Variants in SRGAP3 observed in about 807,000 individuals in gnomAD.
SRGAP3 encodes the protein SLIT-ROBO Rho GTPase activating protein 3, also known as SLIT-ROBO Rho GTPase-activating protein 3.
A neutral mutation model predicts 121.1 loss-of-function variants in SRGAP3; 39 were observed. That is an observed-to-expected ratio of 0.32 (90% CI 0.25 to 0.42). The LOEUF (loss-of-function observed/expected upper bound fraction) is 0.42. SRGAP3 is among the 10% of genes least tolerant of loss of function. The probability of loss-of-function intolerance (pLI) is 1.00; values close to 1 mark genes in which losing one functional copy is unlikely to be tolerated. For missense variants in SRGAP3, 1,213 were observed against 1,470.6 expected (o/e 0.82, Z 2.86); for synonymous variants, 601 against 570.0 (o/e 1.05, Z -0.77).
At chr3:9,060,127 C>G (rs530751593) in intron 6 of SRGAP3, 104 bp downstream of exon 6, 2 of 1,568,810 alleles carry the variant, frequency 1.3e-6, no homozygotes, top group African/African-American at 1.4e-5. Context: ...TGTGGCTACC[C>G]GAGAATGTCA....
At position 9,218,787 on chromosome 3, in the gene SRGAP3, C is replaced by T. The variant is rs910472916; in HGVS notation, c.67+30098G>A. ...TCCCGGATTCAAGTGATCCTCCCAC[C>T]TCAGCCTCTCTAGTAGCTGGGAATA... On this transcript the variant is annotated intron_variant, in intron 1 of 21. Transcript: ENST00000383836. The surrounding 1 kb of genome is among the most constrained non-coding windows in gnomAD (Gnocchi z 5.3). Among the ~76,000 whole-genome samples, 3 of 152,030 alleles carry T rather than the reference C, an allele frequency of 2.0e-5. No individual in the cohort carries two copies. The highest frequency in any genetic ancestry group is 2.4e-5 in the African/African-American group (1 of 41,412).
chr3:9,331,862 T>C (rs4053782), intron 1 of SRGAP3, among the ~76,000 whole-genome samples: 1 of 151,932 alleles, frequency 6.6e-6, no homozygotes, highest in Non-Finnish European at 1.5e-5. Context: ...CCAAATGAAT[T>C]AACCCATATA....
chr3:9,009,870 A>G (rs1481896302), intron 18 of SRGAP3, among the ~76,000 whole-genome samples: 2 of 152,138 alleles, frequency 1.3e-5, no homozygotes, highest in Non-Finnish European at 2.9e-5. Flanking sequence ...ACCTGTCAAG[A>G]TCTGGTGACA....
At chr3:9,095,701 T>C (rs1009326898) in intron 3 of SRGAP3, among the ~76,000 whole-genome samples, 2 of 152,214 alleles carry the variant, frequency 1.3e-5, no homozygotes, top group African/African-American at 4.8e-5. Flanking sequence ...AGCCCTGCTC[T>C]AGTAATGTCT....
At position 9,187,379 on chromosome 3, in the gene SRGAP3, T is replaced by C. The variant is rs189425442; in HGVS notation, c.67+61506A>G. ...GTATTTCATCACTGCTGTCCAGTGA[T>C]TGAGGGCAAGTCGGGGAGAACTGTA... is the stretch of plus-strand genomic sequence containing the variant. On this transcript the variant is annotated intron_variant, in intron 1 of 21. Transcript: ENST00000383836. Among the ~76,000 whole-genome samples, 9 of 152,258 alleles carry C rather than the reference T, an allele frequency of 5.9e-5. No individual in the cohort carries two copies. The East Asian group carries it at 1.5e-3, about 26-fold the overall frequency.
intron 3 of SRGAP3, among the ~76,000 whole-genome samples, chr3:9,098,645 C>T (rs556527790): frequency 1.9e-3 from 283 of 152,304 alleles, no homozygotes; most frequent in Middle Eastern, 3.4e-3. Flanking sequence ...CTAACCTCAC[C>T]TTTCTTGGCA....
intron 3 of SRGAP3, among the ~76,000 whole-genome samples, chr3:9,262,677 T>C (rs1361267958): frequency 6.6e-6 from 1 of 151,988 alleles, no homozygotes; most frequent in Non-Finnish European, 1.5e-5. Flanking sequence ...CTAATTATCC[T>C]AAATATATAT....
At chr3:9,076,065 T>C (rs1946962049) in intron 4 of SRGAP3, among the ~76,000 whole-genome samples, 1 of 152,174 alleles carries the variant, frequency 6.6e-6, no homozygotes, top group South Asian at 2.1e-4. Context: ...TTAGCAAATA[T>C]GACACAAGCA....
intron 1 of SRGAP3, among the ~76,000 whole-genome samples, chr3:9,351,659 T>C (rs2030165612): frequency 6.6e-6 from 1 of 152,216 alleles, no homozygotes; most frequent in South Asian, 2.1e-4. Flanking sequence ...TAATACTCTA[T>C]TTTTCCTGTA....
intron 14 of SRGAP3, 62 bp downstream of exon 14, chr3:9,025,199 C>T: frequency 6.4e-7 from 1 of 1,567,986 alleles, no homozygotes; most frequent in Non-Finnish European, 8.8e-7. Flanking sequence ...CTCTGAGACA[C>T]ACGTGAATAT....
At chr3:9,275,429 C>T (rs975976752) in intron 3 of SRGAP3, among the ~76,000 whole-genome samples, 3 of 152,116 alleles carry the variant, frequency 2.0e-5, no homozygotes, top group Non-Finnish European at 4.4e-5. Context: ...ACCTAATGCT[C>T]ACACTCATTC....
chr3:9,085,857 G>A (rs1408298821), intron 3 of SRGAP3, among the ~76,000 whole-genome samples: 1 of 152,106 alleles, frequency 6.6e-6, no homozygotes, highest in Non-Finnish European at 1.5e-5. Context: ...ATAACTAATG[G>A]ATACAAGGCT....
chr3:8,988,055 G>C (rs1941825003), intron 21 of SRGAP3, among the ~76,000 whole-genome samples: 1 of 151,508 alleles, frequency 6.6e-6, no homozygotes, highest in Non-Finnish European at 1.5e-5. Context: ...TAAGCAGAAA[G>C]ACAGGAAGTT....
At chr3:9,260,256 T>A (rs1223382787) in intron 3 of SRGAP3, among the ~76,000 whole-genome samples, 3 of 151,536 alleles carry the variant, frequency 2.0e-5, no homozygotes, top group Non-Finnish European at 4.4e-5. Context: ...GCTGCAGGAG[T>A]TTTTTTCGTA....
chr3:9,013,923 T>C (rs1574908805), intron 15 of SRGAP3, 81 bp from the exon 16 acceptor site: 2 of 1,330,910 alleles, frequency 1.5e-6, no homozygotes, highest in Non-Finnish European at 2.2e-6. Context: ...ACATCTCCTA[T>C]ATCAACCCAC....
intron 4 of SRGAP3, among the ~76,000 whole-genome samples, chr3:9,072,099 A>G (rs992385944): frequency 1.3e-4 from 20 of 152,130 alleles, no homozygotes; most frequent in Admixed American, 1.1e-3. Context: ...AGCCTCCCCA[A>G]CTACCCATAT....
chr3:9,169,734 G>T (rs1476183540), intron 1 of SRGAP3, among the ~76,000 whole-genome samples: 2 of 152,212 alleles, frequency 1.3e-5, no homozygotes, highest in Non-Finnish European at 2.9e-5. Flanking sequence ...CATTTCTCAG[G>T]TTACTCCAGG....
chr3:8,992,936 G>A lies in SRGAP3; in HGVS notation c.2528C>T (p.Ser843Leu), dbSNP rs760150915. 20 of 1,614,070 alleles carry A rather than the reference G, an allele frequency of 1.2e-5. No homozygotes were observed. The highest frequency in any genetic ancestry group is 1.6e-4 in the Middle Eastern group (1 of 6,084). Reference sequence around the variant, plus strand: ...CATCACCCCCCCAAAGCCGTAATCCGAGATGTGCTCCGTGGGGGACTGGAG... The same window carrying A: ...CATCACCCCCCCAAAGCCGTAATCCAAGATGTGCTCCGTGGGGGACTGGAG... ...NDLQSPTEHISDYGFGGVMGR... is the reference protein window; with the variant it reads ...NDLQSPTEHILDYGFGGVMGR... Residue 843 changes from serine (S) to leucine (L), a missense_variant, in exon 20 of 22, where the codon TCG (serine) becomes TTG (leucine). Transcript: ENST00000383836.
intron 8 of SRGAP3, among the ~76,000 whole-genome samples, chr3:9,054,719 T>G (rs1476733860): frequency 1.3e-5 from 2 of 152,246 alleles, no homozygotes; most frequent in African/African-American, 2.4e-5. Context: ...GTTTCAAGTA[T>G]TATTTGTCTT....
Sources: gnomAD v4.1 joint callset for allele counts (sites outside exome capture counted in the v4.1 genomes callset) on GRCh38, gnomAD v4.1.1 for gene constraint, Gnocchi (gnomAD v3.1) non-coding constraint, MANE v1.5 for transcripts, NCBI Gene and HGNC (gene_info 2026-07-23, HGNC 2026-07-21) for gene names.